RYR3: variants seen among roughly 807,000 people sequenced by gnomAD.
The protein encoded by RYR3 is brain ryanodine receptor-calcium release channel.
In RYR3, 207 loss-of-function variants were observed where a neutral mutation model predicts 584.3. The ratio of observed to expected loss-of-function variants is 0.35; its 90% CI spans 0.32 to 0.40. The LOEUF (loss-of-function observed/expected upper bound fraction) is 0.40, where lower values mean the gene tolerates loss of function less well. Among genes scored for constraint, RYR3 ranks in the 10% least tolerant of loss-of-function variants. The pLI, the probability that RYR3 is intolerant of heterozygous loss-of-function variation, is 1.00. For missense variants in RYR3, 5,616 were observed against 6,089.2 expected, an observed-to-expected ratio of 0.92 and a Z score of 2.59; for synonymous variants, 2,416 against 2,248.5, an observed-to-expected ratio of 1.07 and a Z score of -2.11.
intron 1 of RYR3, among the ~76,000 whole-genome samples, chr15:33,343,153 C>T (rs564546148): frequency 6.6e-6 from 1 of 152,264 alleles, no homozygotes; most frequent in South Asian, 2.1e-4. Flanking sequence ...ACTCTCTCTA[C>T]TAGGAGTACA....
chr15:33,349,107 T>C (rs76853286), intron 1 of RYR3, among the ~76,000 whole-genome samples: 1 of 101,100 alleles, frequency 9.9e-6, no homozygotes, highest in East Asian at 2.7e-4. Flanking sequence ...AGCTTGTGCC[T>C]TTTTTTTTTT....
intron 27 of RYR3, among the ~76,000 whole-genome samples, chr15:33,643,029 C>T (rs551699908): frequency 2.2e-4 from 34 of 152,318 alleles, no homozygotes; most frequent in East Asian, 5.8e-4. Flanking sequence ...ATAGAAATTT[C>T]GTGGCTTAGA....
intron 1 of RYR3, among the ~76,000 whole-genome samples, chr15:33,368,783 C>T (rs16970193): frequency 0.079 from 11,946 of 152,126 alleles, 498 homozygotes; most frequent in Non-Finnish European, 0.099. Flanking sequence ...GAGAAGGCCT[C>T]TTTCATCAGG....
Position 33,748,221 on chromosome 15 carries a change from G to T in RYR3, c.8097G>T (p.Arg2699=). The change falls in exon 54 of 104, where the codon CGG becomes CGT. Residue 2699 remains arginine, a synonymous_variant. Coordinates refer to ENST00000634891, the MANE Select transcript of RYR3 (RefSeq NM_001036.6). ...AGGGAGAAGCTTTGGTTCAACAGCGGGAAAATGAGAAGCTTCGAAGTGTGT... is the reference window on the plus strand; with the variant it reads ...AGGGAGAAGCTTTGGTTCAACAGCGTGAAAATGAGAAGCTTCGAAGTGTGT... ...TKEGEALVQQ[R]ENEKLRSVSQ... 1.2e-6 allele frequency: 2 copies of T among 1,613,916 alleles called. No individual in the cohort carries two copies. The highest frequency in any genetic ancestry group is 1.7e-6 in the Non-Finnish European group (2 of 1,179,872).
At chr15:33,438,581 G>A (rs1365617613) in intron 1 of RYR3, among the ~76,000 whole-genome samples, 6 of 151,890 alleles carry the variant, frequency 4.0e-5, no homozygotes, top group African/African-American at 1.5e-4. Flanking sequence ...ATAAGTTTTA[G>A]GATTAACTTA....
chr15:33,514,920 C>T (rs1356223356), intron 3 of RYR3, among the ~76,000 whole-genome samples: 15 of 152,058 alleles, frequency 9.9e-5, no homozygotes, highest in African/African-American at 2.4e-4. Context: ...GGGAGAATGG[C>T]GTGAACCCGG....
intron 16 of RYR3, 139 bp from the exon 17 acceptor site, chr15:33,601,280 C>T: frequency 1.3e-6 from 1 of 785,196 alleles, no homozygotes; most frequent in Non-Finnish European, 2.0e-6. Flanking sequence ...AGAGGCAAAG[C>T]TTCCTTGGCT....
chr15:33,633,935 A>G (rs571008743), intron 24 of RYR3, among the ~76,000 whole-genome samples: 1 of 152,260 alleles, frequency 6.6e-6, no homozygotes, highest in Non-Finnish European at 1.5e-5. Flanking sequence ...ATGATCTTCC[A>G]TAGGGAAATC....
intron 5 of RYR3, among the ~76,000 whole-genome samples, chr15:33,533,725 G>A (rs529794240): frequency 3.9e-5 from 6 of 152,240 alleles, no homozygotes; most frequent in African/African-American, 9.6e-5. Flanking sequence ...TAAAGGTGTC[G>A]TAATAAAGGC....
intron 48 of RYR3, among the ~76,000 whole-genome samples, chr15:33,734,950 C>T (rs1001141389): frequency 1.3e-5 from 2 of 151,974 alleles, no homozygotes; most frequent in South Asian, 2.1e-4. Context: ...CTTGATCTCT[C>T]GAAGTGCTGA....
intron 13 of RYR3, among the ~76,000 whole-genome samples, chr15:33,581,222 T>G (rs929790008): frequency 6.6e-6 from 1 of 152,158 alleles, no homozygotes; most frequent in Non-Finnish European, 1.5e-5. Flanking sequence ...TCACCCTCCC[T>G]CTTCCTAAGT....
chr15:33,334,158 C>G (rs1424324921), intron 1 of RYR3, among the ~76,000 whole-genome samples: 2 of 152,168 alleles, frequency 1.3e-5, no homozygotes, highest in African/African-American at 2.4e-5. Flanking sequence ...CATTGACATT[C>G]TTCACGGAAC....
rs539417835 is a variant in RYR3 at position 33,476,906 on chromosome 15, G to C, written c.171+3368G>C. On this transcript the variant is annotated intron_variant, in intron 2 of 103. Transcript: ENST00000634891. ...CATTCCTGGGAGCAGTCTGCTAGAG[G>C]AACTTGGGTTCCAAGAGCTTCATTC... Among the ~76,000 whole-genome samples, 4 of 152,296 alleles carry C rather than the reference G, an allele frequency of 2.6e-5. No homozygotes were observed. The East Asian group carries it at 5.8e-4, about 22-fold the overall frequency.
chr15:33,783,489 G>A lies in RYR3; in HGVS notation c.9269-2173G>A, dbSNP rs114036800. ...TTTGTTCCACTCAAGGGCCAATTAC[G>A]TATAAATAACTTTTAAAGGTCATTA... On this transcript the variant is annotated intron_variant, in intron 65 of 103. Coordinates refer to ENST00000634891, the MANE Select transcript of RYR3 (RefSeq NM_001036.6). 6.5e-3 allele frequency among the ~76,000 whole-genome samples: 987 copies of A among 152,252 alleles called. 16 individuals are homozygous for A. The highest frequency in any genetic ancestry group is 0.022 in the African/African-American group (932 of 41,544).
intron 87 of RYR3, among the ~76,000 whole-genome samples, chr15:33,835,649 G>A (rs72716817): frequency 0.011 from 1,694 of 152,326 alleles, 19 homozygotes; most frequent in Non-Finnish European, 0.018. Flanking sequence ...ATTTGAGGCT[G>A]ATTAGAGTAA....
chr15:33,391,851 C>G (rs757086888), intron 1 of RYR3, among the ~76,000 whole-genome samples: 3 of 152,066 alleles, frequency 2.0e-5, no homozygotes, highest in Non-Finnish European at 2.9e-5. Flanking sequence ...CTTTTCTTCT[C>G]TCTGCAACAC....
chr15:33,406,957 C>G (rs1385537248), intron 1 of RYR3, among the ~76,000 whole-genome samples: 2 of 152,146 alleles, frequency 1.3e-5, no homozygotes, highest in Non-Finnish European at 2.9e-5. Context: ...AAATTTATCT[C>G]TTATGGTTTT....
intron 1 of RYR3, among the ~76,000 whole-genome samples, chr15:33,424,242 T>C (rs1181139698): frequency 6.6e-6 from 1 of 152,224 alleles, no homozygotes; most frequent in African/African-American, 2.4e-5. Context: ...GAACACCTGT[T>C]TCTTTACCTA....
chr15:33,842,599 C>T (rs1204154228), intron 91 of RYR3, among the ~76,000 whole-genome samples: 1 of 152,182 alleles, frequency 6.6e-6, no homozygotes, highest in Admixed American at 6.5e-5. Flanking sequence ...GGGAACGTTA[C>T]CCAGGCAGCT....
Sources: allele counts gnomAD v4.1 joint callset (sites outside exome capture counted in the v4.1 genomes callset), GRCh38; gene constraint gnomAD v4.1.1; transcripts MANE v1.5; gene names NCBI Gene and HGNC (gene_info 2026-07-23, HGNC 2026-07-21).